TRAK1: variants seen among roughly 807,000 people sequenced by gnomAD.
The protein encoded by TRAK1 is trafficking kinesin-binding protein 1.
TRAK1 carries 33 observed loss-of-function variants against 92.1 expected under a neutral mutation model. The ratio of observed to expected loss-of-function variants is 0.36; its 90% CI spans 0.27 to 0.48. TRAK1 has a LOEUF of 0.48. Among genes scored for constraint, TRAK1 ranks in the 20% least tolerant of loss-of-function variants. The pLI is 0.99. For missense variants in TRAK1, 1,123 were observed against 1,257.9 expected (o/e 0.89, Z 1.62); for synonymous variants, 521 against 517.3 (o/e 1.01, Z -0.10).
chr3:42,108,436 A>G (rs1423216498), intron 1 of TRAK1, among the ~76,000 whole-genome samples: 1 of 145,054 alleles, frequency 6.9e-6, no homozygotes, highest in Non-Finnish European at 1.5e-5. Context: ...GGCTGCAGTG[A>G]GCTGTGATCG....
chr3:42,146,538 A>AT (rs1052150232), intron 2 of TRAK1, among the ~76,000 whole-genome samples: 33 of 152,172 alleles, frequency 2.2e-4, no homozygotes, highest in Admixed American at 1.8e-3. Flanking sequence ...AGGAGTTTGC[A>AT]TTTCCTGTTC....
chr3:42,156,267 G>A (rs992877920), intron 2 of TRAK1, among the ~76,000 whole-genome samples: 10 of 152,202 alleles, frequency 6.6e-5, no homozygotes, highest in Non-Finnish European at 8.8e-5. Context: ...GCCTTTAACC[G>A]TGAAGTGAAG....
chr3:42,218,941 C>A lies in TRAK1; in HGVS notation c.1964-553C>A, dbSNP rs957500441. 10 of 985,346 alleles carry A rather than the reference C, an allele frequency of 1.0e-5. No individual in the cohort carries two copies. In the African/African-American group the frequency reaches 1.7e-4, roughly 17 times the overall value. The allele number at this position is 985,346 out of a possible 1,614,324, so 61.0% of individuals were successfully genotyped here. On this transcript the variant is annotated intron_variant, in intron 14 of 15. Coordinates refer to ENST00000327628, the MANE Select transcript of TRAK1 (RefSeq NM_001042646.3). ...GGCAGCTGAAGTCCCCATCTCCCAC[C>A]ATAACAATCACAAATAGACAGTAGT...
At chr3:42,160,078 C>A in intron 2 of TRAK1, 1 of 919,602 alleles carries the variant, frequency 1.1e-6, no homozygotes, top group Non-Finnish European at 1.4e-6. Flanking sequence ...ATCTCCTGCG[C>A]CTAGCAGGGC....
intron 14 of TRAK1, chr3:42,217,802 A>G: frequency 1.0e-6 from 1 of 985,174 alleles, no homozygotes; most frequent in Non-Finnish European, 1.2e-6. Flanking sequence ...TCTAGACCTT[A>G]TTGCGGGAAG....
chr3:42,171,124 T>TACCCG (rs1702510315), intron 2 of TRAK1, among the ~76,000 whole-genome samples: 1 of 152,136 alleles, frequency 6.6e-6, no homozygotes, highest in African/African-American at 2.4e-5. Flanking sequence ...CCTGAATATC[T>TACCCG]TTTCTACCCG....
chr3:42,079,678 G>GA (rs1704342841), intron 1 of TRAK1, among the ~76,000 whole-genome samples: 1 of 151,834 alleles, frequency 6.6e-6, no homozygotes, highest in South Asian at 2.1e-4. Context: ...ATGGGGTTTT[G>GA]CCATGTAGGT....
intron 1 of TRAK1, among the ~76,000 whole-genome samples, chr3:42,052,089 A>G (rs2148914792): frequency 6.6e-6 from 1 of 152,350 alleles, no homozygotes; most frequent in South Asian, 2.1e-4. Flanking sequence ...CCAAACTCAC[A>G]AAGTAGTTAA....
At position 42,210,610 on chromosome 3, in the gene TRAK1, A is replaced by AAAATAGAACCAGG. The variant is rs558977199; in HGVS notation, c.1963+629_1963+641dup. On this transcript the variant is annotated intron_variant, in intron 14 of 15. Transcript: ENST00000327628. ...TCATCTGTTACCTGTACGCTGTATT[A>AAAATAGAACCAGG]AAATAGAACCAGGAAAGGCTCAGGA... is the stretch of plus-strand genomic sequence containing the variant. 8.9e-5 allele frequency: 91 copies of AAAATAGAACCAGG among 1,023,386 alleles called. 1 individual carries two copies. In the East Asian group the frequency reaches 6.5e-3, roughly 73 times the overall value. The allele number at this position is 1,023,386 out of a possible 1,614,324, so 63.4% of individuals were successfully genotyped here. A position where few individuals can be genotyped will look rare whatever the true frequency, so the allele number is the denominator to read the frequency against.
intron 1 of TRAK1, among the ~76,000 whole-genome samples, chr3:42,124,556 C>T (rs1310761846): frequency 2.6e-5 from 4 of 152,186 alleles, no homozygotes; most frequent in Admixed American, 6.5e-5. Context: ...ATTGGTTCTC[C>T]GTCACAGGCA....
chr3:42,116,867 G>A (rs11718948), intron 1 of TRAK1, among the ~76,000 whole-genome samples: 11,090 of 152,172 alleles, frequency 0.073, 457 homozygotes, highest in Middle Eastern at 0.14. Flanking sequence ...TTTGATGAGC[G>A]AAGGTCCCTT....
In TRAK1 at chr3:42,167,894, A is replaced by G. The variant is rs558547232; in HGVS notation, c.287-8920A>G. Among the ~76,000 whole-genome samples, 167 of 152,326 alleles carry G rather than the reference A, an allele frequency of 1.1e-3. 1 individual carries two copies. The highest frequency in any genetic ancestry group is 1.7e-3 in the Non-Finnish European group (119 of 68,022). On this transcript the variant is annotated intron_variant, in intron 2 of 15. Coordinates refer to ENST00000327628, the MANE Select transcript of TRAK1 (RefSeq NM_001042646.3). ...ACACTCCATCTCAAAAACAACAGCA[A>G]CAACAACAAAAAAACCAAGTAATGT... is the stretch of plus-strand genomic sequence containing the variant.
intron 2 of TRAK1, among the ~76,000 whole-genome samples, chr3:42,147,906 T>G (rs769407608): frequency 3.3e-5 from 5 of 152,156 alleles, no homozygotes; most frequent in Non-Finnish European, 7.4e-5. Flanking sequence ...AAGATTGAGA[T>G]GGATCGATAC....
In TRAK1 at chr3:42,194,884, C is replaced by A. The variant is rs778163685; in HGVS notation, c.1056C>A (p.Asn352Lys). 2 of 1,613,994 alleles carry A rather than the reference C, an allele frequency of 1.2e-6. No homozygotes were observed. Among genetic ancestry groups the A allele is most frequent in the East Asian group, 2.2e-5 (1 of 44,870 alleles). Residue 352 changes from asparagine (N) to lysine (K), a missense_variant, in exon 10 of 16, where the codon AAC becomes AAA. This residue lies in a region of TRAK1 where 686 missense variants were observed against 747.6 expected (regional missense o/e 0.92). Coordinates refer to ENST00000327628, the MANE Select transcript of TRAK1 (RefSeq NM_001042646.3). ...EAQEELKNLRNKTMPNTTSRR... is the reference protein window; with the variant it reads ...EAQEELKNLRKKTMPNTTSRR... ...AGGAGGAGCTGAAGAACCTCCGGAA[C>A]AAAACCATGCCCAATACCACGTCTC...
intron 2 of TRAK1, among the ~76,000 whole-genome samples, chr3:42,166,917 G>C (rs980647524): frequency 6.6e-6 from 1 of 152,214 alleles, no homozygotes; most frequent in Admixed American, 6.5e-5. Context: ...ACGGCTCTGG[G>C]TCGGTCTCTG....
chr3:42,087,543 G>A (rs939450536), upstream of TRAK1: 1 of 152,490 alleles, frequency 6.6e-6, no homozygotes, highest in Non-Finnish European at 1.5e-5. Context: ...CTGAGCTTTC[G>A]GATTGTGAGA....
At chr3:42,079,515 G>A (rs1258925689) in intron 1 of TRAK1, among the ~76,000 whole-genome samples, 1 of 133,544 alleles carries the variant, frequency 7.5e-6, no homozygotes, top group Admixed American at 8.9e-5. Flanking sequence ...GAGTCTTGCT[G>A]TCTTGCCCAG....
At chr3:42,104,390 T>C (rs934669601) in intron 1 of TRAK1, among the ~76,000 whole-genome samples, 1 of 152,194 alleles carries the variant, frequency 6.6e-6, no homozygotes, top group African/African-American at 2.4e-5. Flanking sequence ...ATGGACAGAC[T>C]GCTTCCTCAA....
At chr3:42,089,548 C>T (rs1321707067), upstream of TRAK1, among the ~76,000 whole-genome samples, 1 of 152,146 alleles carries the variant, frequency 6.6e-6, no homozygotes, top group Non-Finnish European at 1.5e-5. Flanking sequence ...GGTACACTGG[C>T]CGCCTCACTT....
Sources: gnomAD v4.1 joint callset for allele counts (sites outside exome capture counted in the v4.1 genomes callset) on GRCh38, gnomAD v4.1.1 for gene constraint, gnomAD v4.1.1 regional missense constraint, MANE v1.5 for transcripts, NCBI Gene and HGNC (gene_info 2026-07-23, HGNC 2026-07-21) for gene names.